Variants in CIMIP4 observed in about 807,000 individuals in gnomAD.
The protein encoded by CIMIP4 is protein EAN57.
At chr22:36,998,208 G>A in the CIMIP4 span, among the ~76,000 whole-genome samples, 807 of 152,302 alleles carry the variant, frequency 5.3e-3, 9 homozygotes, top group African/African-American at 0.019. Context: ...TTTGGTGACC[G>A]ATAGTTGTTA....
At chr22:37,001,717 A>T in the CIMIP4 span, 2 of 1,046,978 alleles carry the variant, frequency 1.9e-6, no homozygotes, top group Non-Finnish European at 1.3e-6. Flanking sequence ...CACACAGCAG[A>T]TGCTCAGGAG....
At chr22:36,999,751 A>G in the CIMIP4 span, 1 of 1,512,288 alleles carries the variant, frequency 6.6e-7, no homozygotes, top group Middle Eastern at 2.0e-4. Context: ...CCTAGACCCC[A>G]TATGGAGTGG....
chr22:36,991,302 C>A, the CIMIP4 span: 6 of 1,612,016 alleles, frequency 3.7e-6, no homozygotes, highest in East Asian at 2.2e-5. Flanking sequence ...GAAGAGCCAG[C>A]ACAGATTAGA....
chr22:37,003,389 C>A, the CIMIP4 span, among the ~76,000 whole-genome samples: 1 of 152,228 alleles, frequency 6.6e-6, no homozygotes. Flanking sequence ...CCCCAGCCAA[C>A]CTGCACTCAC....
chr22:36,994,630 AT>A, the CIMIP4 span, among the ~76,000 whole-genome samples: 19,385 of 113,990 alleles, frequency 0.17, 1,402 homozygotes, highest in East Asian at 0.23. Flanking sequence ...GCCTCCTGAG[AT>A]TTTTTTTTTT....
At chr22:36,995,394 C>A in the CIMIP4 span, among the ~76,000 whole-genome samples, 41 of 152,324 alleles carry the variant, frequency 2.7e-4, no homozygotes, top group African/African-American at 9.4e-4. Context: ...TTCATGTTAG[C>A]CCACAGGGGT....
At chr22:36,995,875 A>G in the CIMIP4 span, among the ~76,000 whole-genome samples, 1 of 152,196 alleles carries the variant, frequency 6.6e-6, no homozygotes, top group African/African-American at 2.4e-5. Context: ...TATCAGCAGT[A>G]TGAAAACAGA....
the CIMIP4 span, among the ~76,000 whole-genome samples, chr22:36,999,182 C>A: frequency 1.3e-5 from 2 of 150,716 alleles, no homozygotes; most frequent in Non-Finnish European, 3.0e-5. Flanking sequence ...GTGGGGAGGG[C>A]GCAGTGACTC....
the CIMIP4 span, among the ~76,000 whole-genome samples, chr22:37,003,449 A>G: frequency 4.6e-5 from 7 of 152,254 alleles, no homozygotes; most frequent in African/African-American, 1.7e-4. Flanking sequence ...GCCTGCATCA[A>G]AATCTTTCCT....
the CIMIP4 span, chr22:37,002,261 C>T: frequency 2.1e-6 from 3 of 1,443,470 alleles, no homozygotes; most frequent in South Asian, 3.0e-5. Context: ...GTCCTGTTGG[C>T]CCTCCTTGTC....
chr22:36,992,873 A>G, the CIMIP4 span, among the ~76,000 whole-genome samples: 3 of 151,120 alleles, frequency 2.0e-5, no homozygotes, highest in Non-Finnish European at 4.4e-5. Context: ...GCACTTTGGG[A>G]GGCCGAGAAT....
the CIMIP4 span, chr22:37,001,849 G>A: frequency 1.2e-4 from 186 of 1,590,954 alleles, no homozygotes; most frequent in Non-Finnish European, 1.5e-4. Context: ...GCTCCTCGGA[G>A]ACCAGCTGGT....
chr22:36,994,423 G>T, the CIMIP4 span, among the ~76,000 whole-genome samples: 3 of 151,646 alleles, frequency 2.0e-5, no homozygotes, highest in African/African-American at 7.3e-5. Context: ...CCGCCTCCCG[G>T]GTTCAAGCGA....
the CIMIP4 span, among the ~76,000 whole-genome samples, chr22:36,996,175 T>G: frequency 6.6e-6 from 1 of 152,118 alleles, no homozygotes; most frequent in Non-Finnish European, 1.5e-5. Flanking sequence ...CCACATGGGA[T>G]TCATGTGCAG....
chr22:37,000,319 G>A, the CIMIP4 span, among the ~76,000 whole-genome samples: 1 of 152,164 alleles, frequency 6.6e-6, no homozygotes, highest in Non-Finnish European at 1.5e-5. Flanking sequence ...AGGAAAGCGG[G>A]CCTCAGGAGA....
At chr22:36,998,475 A>G in the CIMIP4 span, among the ~76,000 whole-genome samples, 1 of 152,270 alleles carries the variant, frequency 6.6e-6, no homozygotes, top group Non-Finnish European at 1.5e-5. Flanking sequence ...TCATTTTGCA[A>G]TGAGGCCAAA....
At chr22:36,991,356 C>T in the CIMIP4 span, 1 of 1,561,352 alleles carries the variant, frequency 6.4e-7, no homozygotes, top group Non-Finnish European at 8.8e-7. Flanking sequence ...AGGGATGACT[C>T]GTACCTCTTC....
chr22:37,000,444 A>G, the CIMIP4 span, among the ~76,000 whole-genome samples: 5 of 152,070 alleles, frequency 3.3e-5, no homozygotes, highest in Admixed American at 3.3e-4. Context: ...AATGAGGCCA[A>G]CTCCCTCTTC....
At chr22:37,001,579 A>C in the CIMIP4 span, among the ~76,000 whole-genome samples, 1 of 152,110 alleles carries the variant, frequency 6.6e-6, no homozygotes, top group Non-Finnish European at 1.5e-5. Flanking sequence ...TGGTTGACTG[A>C]CTTAACTCCT....
Sources: allele counts gnomAD v4.1 joint callset (sites outside exome capture counted in the v4.1 genomes callset), GRCh38; gene constraint gnomAD v4.1.1; transcripts MANE v1.5; gene names NCBI Gene and HGNC (gene_info 2026-07-23, HGNC 2026-07-21).